TNPO1: variants seen among roughly 807,000 people sequenced by gnomAD.
The protein encoded by TNPO1 is transportin 1, also known as transportin-1.
In TNPO1, 8 loss-of-function variants were observed where a neutral mutation model predicts 119.5. The ratio of observed to expected loss-of-function variants is 0.07; its 90% CI spans 0.04 to 0.12. The LOEUF is 0.12. Ranked by LOEUF, TNPO1 falls within the 10% of genes least tolerant of loss-of-function variation. The probability of loss-of-function intolerance (pLI) is 1.00; values close to 1 mark genes in which losing one functional copy is unlikely to be tolerated. For synonymous variants in TNPO1, 362 were observed against 363.0 expected (o/e 1.00, Z 0.03); for missense variants, 576 against 1,089.8 (o/e 0.53, Z 6.64).
At chr5:72,831,743 T>G (rs1488469447) in intron 1 of TNPO1, among the ~76,000 whole-genome samples, 1 of 152,008 alleles carries the variant, frequency 6.6e-6, no homozygotes, top group East Asian at 1.9e-4. Flanking sequence ...ATCCATTTTT[T>G]TTATAACTAT....
At chr5:72,843,553 C>T (rs1745003261) in intron 1 of TNPO1, among the ~76,000 whole-genome samples, 1 of 150,974 alleles carries the variant, frequency 6.6e-6, no homozygotes, top group South Asian at 2.1e-4. Context: ...GAGATCGCAC[C>T]ACTGCACTCC....
rs1335710816 is a variant in TNPO1, at chr5:72,911,679, G to T, written c.*3006G>T. ...TACATTCCAGTGTTTCTGCCTCTTG[G>T]CATGCTTAAAGCACGGCTTACTTCA... On this transcript the variant is annotated 3_prime_UTR_variant, in exon 25 of 25. Coordinates refer to ENST00000337273, the MANE Select transcript of TNPO1 (RefSeq NM_002270.4). The T allele has an allele frequency of 1.3e-5, 2 of 152,478 alleles. No homozygotes were observed. Among genetic ancestry groups the T allele is most frequent in the Non-Finnish European group, 2.9e-5 (2 of 67,952 alleles). The allele number at this position is 152,478 out of a possible 1,614,324, so 9.4% of individuals were successfully genotyped here.
chr5:72,899,700 T>G (rs1263244755), intron 20 of TNPO1, among the ~76,000 whole-genome samples: 1 of 152,164 alleles, frequency 6.6e-6, no homozygotes, highest in Admixed American at 6.5e-5. Flanking sequence ...AATGATACCT[T>G]GACACTCGAT....
intron 1 of TNPO1, among the ~76,000 whole-genome samples, chr5:72,826,919 A>C (rs1744229316): frequency 6.6e-6 from 1 of 152,148 alleles, no homozygotes; most frequent in Non-Finnish European, 1.5e-5. Context: ...AGCAATGAGA[A>C]ACAGTCACAT....
intron 1 of TNPO1, among the ~76,000 whole-genome samples, chr5:72,832,645 A>G (rs1416256389): frequency 1.3e-5 from 2 of 152,132 alleles, no homozygotes; most frequent in African/African-American, 4.8e-5. Flanking sequence ...CACTGTCCCT[A>G]CATCTTCTCC....
At chr5:72,848,930 T>G (rs1246990347) in intron 2 of TNPO1, among the ~76,000 whole-genome samples, 2 of 151,100 alleles carry the variant, frequency 1.3e-5, no homozygotes, top group Non-Finnish European at 3.0e-5. Context: ...GGAGGCCGGG[T>G]GGAGGGCGCT....
At chr5:72,907,116 T>A (rs1408796838) in intron 24 of TNPO1, among the ~76,000 whole-genome samples, 1 of 152,182 alleles carries the variant, frequency 6.6e-6, no homozygotes, top group East Asian at 1.9e-4. Context: ...GTCAGAGCCC[T>A]TCATATGTGT....
rs1579957531 is a variant in TNPO1, at chr5:72,910,251, T to A, written c.*1578T>A. The A allele has an allele frequency of 6.6e-6, 1 of 152,576 alleles. No individual in the cohort carries two copies. The highest frequency in any genetic ancestry group is 1.9e-4 in the East Asian group (1 of 5,198). 9.5% of individuals were successfully genotyped at this position (152,576 alleles called of 1,614,324 possible). A position where few individuals can be genotyped will look rare whatever the true frequency, so the allele number is the denominator to read the frequency against. ...GAAAGTTGGTTTGGATCCTCTTCAT[T>A]TCATTTGTTTAGCTTTTCTGTTATT... On this transcript the variant is annotated 3_prime_UTR_variant, in exon 25 of 25. Transcript: ENST00000337273.
Position 72,912,658 on chromosome 5 carries a change from A to G in TNPO1, c.*3985A>G, listed in dbSNP as rs998385741. ...ACAGGTTTACCTGAAAATGAGCTAC[A>G]TATGGTCGTCATTTTCTTCAAACTC... On this transcript the variant is annotated 3_prime_UTR_variant, in exon 25 of 25. Transcript: ENST00000337273. The G allele has an allele frequency of 2.0e-5, 3 of 152,474 alleles. No homozygotes were observed. Among genetic ancestry groups the G allele is most frequent in the Non-Finnish European group, 4.4e-5 (3 of 67,918 alleles). 9.4% of individuals were successfully genotyped at this position (152,474 alleles called of 1,614,324 possible).
intron 1 of TNPO1, among the ~76,000 whole-genome samples, chr5:72,840,578 C>T (rs1024031123): frequency 6.6e-6 from 1 of 152,126 alleles, no homozygotes; most frequent in African/African-American, 2.4e-5. Context: ...TAACATCTAC[C>T]TCATAGTGCT....
chr5:72,846,629 TA>T (rs1356082350), intron 1 of TNPO1, among the ~76,000 whole-genome samples: 11 of 152,260 alleles, frequency 7.2e-5, no homozygotes, highest in African/African-American at 2.6e-4. Flanking sequence ...GAGAAATCTA[TA>T]GTGATAGAAA....
At chr5:72,872,359 A>G (rs559928272) in intron 6 of TNPO1, among the ~76,000 whole-genome samples, 3 of 151,996 alleles carry the variant, frequency 2.0e-5, no homozygotes, top group Middle Eastern at 3.4e-3. Context: ...CCCCTCCCCA[A>G]CCTCCACTCT....
chr5:72,849,024 G>C (rs953257393), intron 2 of TNPO1, among the ~76,000 whole-genome samples: 1 of 152,118 alleles, frequency 6.6e-6, no homozygotes, highest in Non-Finnish European at 1.5e-5. Context: ...TGTGGGTCTT[G>C]GGGGTTTTTC....
At chr5:72,839,015 A>G (rs1167266857) in intron 1 of TNPO1, among the ~76,000 whole-genome samples, 2 of 152,214 alleles carry the variant, frequency 1.3e-5, no homozygotes, top group Non-Finnish European at 2.9e-5. Context: ...AAGGAAATTT[A>G]TAATCATGTT....
At chr5:72,880,585 C>T (rs1487575990) in intron 9 of TNPO1, among the ~76,000 whole-genome samples, 2 of 152,082 alleles carry the variant, frequency 1.3e-5, no homozygotes, top group Non-Finnish European at 2.9e-5. Context: ...GAGTCCAAGG[C>T]GGGTGTATCA....
intron 6 of TNPO1, among the ~76,000 whole-genome samples, chr5:72,869,356 G>C (rs760077640): frequency 6.6e-6 from 1 of 152,080 alleles, no homozygotes; most frequent in African/African-American, 2.4e-5. Context: ...AGACCAGCCC[G>C]GCCAACATGG....
chr5:72,865,526 C>T, intron 5 of TNPO1, 70 bp from the exon 6 acceptor site: 1 of 1,506,034 alleles, frequency 6.6e-7, no homozygotes, highest in Non-Finnish European at 9.2e-7. Flanking sequence ...AATTAATCAG[C>T]ATTCTTCAGT....
chr5:72,880,461 T>C (rs946221942), intron 9 of TNPO1, among the ~76,000 whole-genome samples: 9 of 152,154 alleles, frequency 5.9e-5, no homozygotes, highest in Non-Finnish European at 1.0e-4. Flanking sequence ...TCAGCCCATA[T>C]TTAAGTATTC....
intron 1 of TNPO1, among the ~76,000 whole-genome samples, chr5:72,837,999 G>A (rs1161584893): frequency 1.3e-5 from 2 of 152,134 alleles, no homozygotes; most frequent in African/African-American, 2.4e-5. Context: ...TCATAACTGA[G>A]ATCTGACTAA....
Sources: allele counts gnomAD v4.1 joint callset (sites outside exome capture counted in the v4.1 genomes callset), GRCh38; gene constraint gnomAD v4.1.1; transcripts MANE v1.5; gene names NCBI Gene and HGNC (gene_info 2026-07-23, HGNC 2026-07-21).